Variants in GNAS-AS1 observed in about 807,000 individuals in gnomAD.
GNAS-AS1 encodes the protein GNAS antisense RNA 1.
intron 4 of GNAS-AS1, chr20:58,839,690 CG>C: frequency 4.3e-6 from 2 of 468,290 alleles, no homozygotes; most frequent in Non-Finnish European, 7.5e-6. Flanking sequence ...TGCACATGCC[CG>C]GCAGAAGTCC....
rs762096209 is a variant in GNAS-AS1 at position 58,840,371 on chromosome 20, G to A, written n.819+1566C>T. ...CGAATCGGAATCTGACCACGAGCAC[G>A]AGGAGGCAGACCTTGAGCTGTCCCT... On this transcript the variant is annotated intron_variant and non_coding_transcript_variant, in intron 4 of 4. Coordinates refer to ENST00000424094, the Ensembl canonical transcript of GNAS-AS1. The surrounding 1 kb of genome is among the most constrained non-coding windows in gnomAD (Gnocchi z 6.0). 1 of 1,613,392 alleles carries A rather than the reference G, an allele frequency of 6.2e-7. No individual in the cohort carries two copies. The highest frequency in any genetic ancestry group is 1.1e-5 in the South Asian group (1 of 91,084).
intron 4 of GNAS-AS1, chr20:58,838,818 T>C (rs926104627): frequency 1.8e-5 from 7 of 387,688 alleles, no homozygotes; most frequent in African/African-American, 1.5e-4. Context: ...TCAGGAGGCT[T>C]AGGTAGGAGA....
At chr20:58,836,686 C>A (rs985438659) in intron 4 of GNAS-AS1, among the ~76,000 whole-genome samples, 2 of 152,206 alleles carry the variant, frequency 1.3e-5, no homozygotes, top group African/African-American at 2.4e-5. Flanking sequence ...TTTAAAGTCA[C>A]GCACGTAATG....
chr20:58,832,355 TA>T (rs1032853847), intron 4 of GNAS-AS1, among the ~76,000 whole-genome samples: 1 of 152,220 alleles, frequency 6.6e-6, no homozygotes, highest in African/African-American at 2.4e-5. Context: ...GGCTTAAGAC[TA>T]AATGCAGAAA....
At position 58,841,034 on chromosome 20, in the gene GNAS-AS1, G is replaced by A. The variant is rs2085699682; in HGVS notation, n.819+903C>T. ...GCCTGGGATCGGGGGTCAGGGTGAG[G>A]CGGCGAGGGCTCCCCCAAACTTCCC... is the stretch of plus-strand genomic sequence containing the variant. On this transcript the variant is annotated intron_variant and non_coding_transcript_variant, in intron 4 of 4. Coordinates refer to ENST00000424094, the Ensembl canonical transcript of GNAS-AS1. This position sits in a 1 kb window ranked among gnomAD's most constrained non-coding sequence, Gnocchi z 5.0. 1 of 934,298 alleles carries A rather than the reference G, an allele frequency of 1.1e-6. No individual in the cohort carries two copies. The highest frequency in any genetic ancestry group is 2.7e-5 in the East Asian group (1 of 37,608). The allele number at this position is 934,298 out of a possible 1,614,324, so 57.9% of individuals were successfully genotyped here. A position where few individuals can be genotyped will look rare whatever the true frequency, so the allele number is the denominator to read the frequency against.
chr20:58,830,533 T>TCACCACCACTACACC (rs146812661), intron 4 of GNAS-AS1, among the ~76,000 whole-genome samples: 1 of 410 alleles, frequency 2.4e-3, no homozygotes. Flanking sequence ...ACCACCATCA[T>TCACCACCACTACACC]ACCATCAGCA....
intron 2 of GNAS-AS1, among the ~76,000 whole-genome samples, chr20:58,844,815 A>G (rs2753643): frequency 2.6e-5 from 4 of 152,028 alleles, no homozygotes; most frequent in Admixed American, 6.6e-5. Flanking sequence ...AAACAAAACA[A>G]AACAACAACA....
chr20:58,839,821 A>G, intron 4 of GNAS-AS1: 2 of 592,814 alleles, frequency 3.4e-6, no homozygotes, highest in Non-Finnish European at 6.0e-6. Flanking sequence ...GCGGAATCTA[A>G]GACTCAGCGA....
intron 4 of GNAS-AS1, chr20:58,824,001 G>A: frequency 2.5e-6 from 1 of 398,672 alleles, no homozygotes; most frequent in Non-Finnish European, 4.4e-6. Context: ...ATCCCCCACA[G>A]GGAGATACAG....
chr20:58,819,878 G>A (rs1568896050), intron 4 of GNAS-AS1, among the ~76,000 whole-genome samples: 1 of 152,218 alleles, frequency 6.6e-6, no homozygotes. Context: ...CACGACCTCA[G>A]TGTGAGGTAG....
At position 58,840,367 on chromosome 20, in the gene GNAS-AS1, G is replaced by A; in HGVS notation, n.819+1570C>T. 2.5e-6 allele frequency: 4 copies of A among 1,613,364 alleles called. No individual in the cohort carries two copies. The highest frequency in any genetic ancestry group is 1.7e-6 in the Non-Finnish European group (2 of 1,180,020). ...CCCCCGAATCGGAATCTGACCACGAGCACGAGGAGGCAGACCTTGAGCTGT... is the reference window on the plus strand; with the variant it reads ...CCCCCGAATCGGAATCTGACCACGAACACGAGGAGGCAGACCTTGAGCTGT... On this transcript the variant is annotated intron_variant and non_coding_transcript_variant, in intron 4 of 4. Coordinates refer to ENST00000424094, the Ensembl canonical transcript of GNAS-AS1. This position sits in a 1 kb window ranked among gnomAD's most constrained non-coding sequence, Gnocchi z 6.0.
chr20:58,824,261 C>T (rs1048153754), intron 4 of GNAS-AS1, among the ~76,000 whole-genome samples: 2 of 152,216 alleles, frequency 1.3e-5, no homozygotes, highest in African/African-American at 4.8e-5. Flanking sequence ...TGACGGGCAG[C>T]GCAGCTGCGC....
At position 58,840,806 on chromosome 20, in the gene GNAS-AS1, C is replaced by G. The variant is rs1032026231; in HGVS notation, n.819+1131G>C. On this transcript the variant is annotated intron_variant and non_coding_transcript_variant, in intron 4 of 4. Transcript: ENST00000424094. The surrounding 1 kb of genome is among the most constrained non-coding windows in gnomAD (Gnocchi z 6.0). ...CCGCCGTGACGCGTCCCCGGAGTCC[C>G]CTTCCAAAAAGGGACCCATCCCCAT... 3 of 1,612,670 alleles carry G rather than the reference C, an allele frequency of 1.9e-6. No individual in the cohort carries two copies. The highest frequency in any genetic ancestry group is 1.7e-6 in the Non-Finnish European group (2 of 1,180,006).
intron 4 of GNAS-AS1, among the ~76,000 whole-genome samples, chr20:58,832,175 T>TA (rs150592941): frequency 0.044 from 6,727 of 151,914 alleles, 246 homozygotes; most frequent in African/African-American, 0.093. Context: ...AAAATATAAT[T>TA]AAAAAAAGAG....
At chr20:58,821,034 C>T (rs1045576163) in intron 4 of GNAS-AS1, among the ~76,000 whole-genome samples, 1 of 152,232 alleles carries the variant, frequency 6.6e-6, no homozygotes, top group Admixed American at 6.5e-5. Context: ...AATCCCATCT[C>T]CTAGTCAGGG....
intron 4 of GNAS-AS1, among the ~76,000 whole-genome samples, chr20:58,833,266 A>G (rs1303991561): frequency 1.3e-5 from 2 of 152,222 alleles, no homozygotes; most frequent in African/African-American, 4.8e-5. Context: ...CTCAGTGAAG[A>G]GCAGGGAGAG....
intron 2 of GNAS-AS1, among the ~76,000 whole-genome samples, chr20:58,848,720 A>T (rs1022958782): frequency 6.6e-6 from 1 of 152,150 alleles, no homozygotes; most frequent in Non-Finnish European, 1.5e-5. Context: ...GGACCCCAGT[A>T]AACCCACTAG....
At chr20:58,837,454 G>A (rs1041880548) in intron 4 of GNAS-AS1, among the ~76,000 whole-genome samples, 5 of 152,224 alleles carry the variant, frequency 3.3e-5, no homozygotes, top group Non-Finnish European at 5.9e-5. Flanking sequence ...AAAAGTGGTA[G>A]AGCAGGGCAC....
In GNAS-AS1 at chr20:58,840,141, G is replaced by C. The variant is rs752831442; in HGVS notation, n.819+1796C>G. ...AGGTCCCGGGCTCAGCAGTGGCGCCGAGCTCGCCATAATTACAACGACCTG... is the reference window on the plus strand; with the variant it reads ...AGGTCCCGGGCTCAGCAGTGGCGCCCAGCTCGCCATAATTACAACGACCTG... On this transcript the variant is annotated intron_variant and non_coding_transcript_variant, in intron 4 of 4. Coordinates refer to ENST00000424094, the Ensembl canonical transcript of GNAS-AS1. This position sits in a 1 kb window ranked among gnomAD's most constrained non-coding sequence, Gnocchi z 6.0. 8 of 1,611,470 alleles carry C rather than the reference G, an allele frequency of 5.0e-6. No homozygotes were observed. The South Asian group carries it at 8.8e-5, about 18-fold the overall frequency.
Sources: gnomAD v4.1 joint callset for allele counts (sites outside exome capture counted in the v4.1 genomes callset) on GRCh38, gnomAD v4.1.1 for gene constraint, Gnocchi (gnomAD v3.1) non-coding constraint, MANE v1.5 for transcripts, NCBI Gene and HGNC (gene_info 2026-07-23, HGNC 2026-07-21) for gene names.